SGMS1: variants seen among roughly 807,000 people sequenced by gnomAD.
SGMS1 encodes the protein sphingomyelin synthase 1.
Under a neutral mutation model 46.2 loss-of-function variants are expected in SGMS1, and 13 were observed. The observed-to-expected ratio is 0.28, with a 90% CI of 0.18 to 0.45. The LOEUF is 0.45. Ranked by LOEUF, SGMS1 falls within the 20% of genes least tolerant of loss-of-function variation. The pLI is 1.00. For missense variants in SGMS1, 324 were observed against 519.9 expected (o/e 0.62, Z 3.66); for synonymous variants, 203 against 187.8 (o/e 1.08, Z -0.66).
rs554226950 is a variant in SGMS1 at position 50,393,302 on chromosome 10, C to T, written c.-232+40174G>A. 4.6e-5 allele frequency among the ~76,000 whole-genome samples: 7 copies of T among 152,148 alleles called. No homozygotes were observed. In the South Asian group the frequency reaches 6.2e-4, roughly 14 times the overall value. ...CCCTTTCCTCAAAGAAAGAAAAATA[C>T]GTCCAATTTCTCAGACTAAAGAAAC... is the stretch of plus-strand genomic sequence containing the variant. On this transcript the variant is annotated intron_variant, in intron 6 of 10. Transcript: ENST00000361781.
At chr10:50,442,622 T>TA (rs1849560932) in intron 5 of SGMS1, among the ~76,000 whole-genome samples, 1 of 152,220 alleles carries the variant, frequency 6.6e-6, no homozygotes, top group African/African-American at 2.4e-5. Flanking sequence ...ATGTCTTTGC[T>TA]ATTGTGAATA....
chr10:50,599,051 C>A (rs1838623101), intron 1 of SGMS1, among the ~76,000 whole-genome samples: 1 of 152,148 alleles, frequency 6.6e-6, no homozygotes, highest in Admixed American at 6.5e-5. Context: ...TACCACTCCA[C>A]TGTATAATGG....
intron 6 of SGMS1, among the ~76,000 whole-genome samples, chr10:50,411,129 C>A (rs1398145364): frequency 6.6e-6 from 1 of 152,044 alleles, no homozygotes; most frequent in African/African-American, 2.4e-5. Context: ...GCCAATAATT[C>A]CAGTGAAATG....
intron 6 of SGMS1, among the ~76,000 whole-genome samples, chr10:50,370,113 G>A (rs1848411357): frequency 6.6e-6 from 1 of 152,172 alleles, no homozygotes; most frequent in African/African-American, 2.4e-5. Context: ...GTTGCTCTGG[G>A]TGAGTCAGTG....
intron 3 of SGMS1, among the ~76,000 whole-genome samples, chr10:50,494,700 G>A (rs570246272): frequency 6.6e-6 from 1 of 152,220 alleles, no homozygotes; most frequent in Admixed American, 6.5e-5. Flanking sequence ...TCTGTGGGAT[G>A]AAATAATCTG....
At chr10:50,365,351 G>A (rs1406354377) in intron 6 of SGMS1, among the ~76,000 whole-genome samples, 1 of 150,402 alleles carries the variant, frequency 6.6e-6, no homozygotes, top group African/African-American at 2.4e-5. Flanking sequence ...TTGATAGGCT[G>A]AAAGAAAAGA....
intron 9 of SGMS1, 41 bp from the exon 10 acceptor site, chr10:50,308,189 T>C: frequency 6.3e-7 from 1 of 1,590,284 alleles, no homozygotes; most frequent in East Asian, 2.2e-5. Flanking sequence ...ATTATTCAAA[T>C]GACATTAAGG....
chr10:50,346,736 T>C (rs1276028016), intron 6 of SGMS1, among the ~76,000 whole-genome samples: 1 of 152,108 alleles, frequency 6.6e-6, no homozygotes, highest in African/African-American at 2.4e-5. Context: ...GGTCTTACTC[T>C]ATTGCCCAGG....
Position 50,334,155 on chromosome 10 carries a change from A to G in SGMS1, c.624-6833T>C, listed in dbSNP as rs185706800. Among the ~76,000 whole-genome samples, 7 of 152,356 alleles carry G rather than the reference A, an allele frequency of 4.6e-5. No homozygotes were observed. The East Asian group carries it at 1.3e-3, about 29-fold the overall frequency. ...GAAGTAAAGAAAAAAATGCTACCCT[A>G]TAAGACATGAACAAAAACATCAACA... On this transcript the variant is annotated intron_variant, in intron 7 of 10. Coordinates refer to ENST00000361781, the MANE Select transcript of SGMS1 (RefSeq NM_147156.4).
intron 6 of SGMS1, among the ~76,000 whole-genome samples, chr10:50,393,418 C>T (rs139321824): frequency 2.0e-4 from 30 of 152,254 alleles, no homozygotes; most frequent in African/African-American, 7.0e-4. Flanking sequence ...ATGATAAAAA[C>T]CAAAGAAGCA....
chr10:50,492,783 A>C (rs184645416), intron 3 of SGMS1, among the ~76,000 whole-genome samples: 1 of 152,360 alleles, frequency 6.6e-6, no homozygotes, highest in Admixed American at 6.5e-5. Flanking sequence ...TATTCTTCAC[A>C]GAACTAGAGA....
chr10:50,430,866 C>T lies in SGMS1; in HGVS notation c.-232+2610G>A, dbSNP rs567283077. Among the ~76,000 whole-genome samples, 8 of 152,074 alleles carry T rather than the reference C, an allele frequency of 5.3e-5. No homozygotes were observed. In the South Asian group the frequency reaches 1.0e-3, roughly 20 times the overall value. ...TACTGAAATGTATCGTCAAAAGCAA[C>T]GAGTCCCAAGTATCTAGTAAACATA... On this transcript the variant is annotated intron_variant, in intron 6 of 10. Coordinates refer to ENST00000361781, the MANE Select transcript of SGMS1 (RefSeq NM_147156.4).
rs1420934442 is a variant in SGMS1, at chr10:50,594,940, G to A, written c.-683-4693C>T. Reference sequence around the variant, plus strand: ...GTTTATTCCCATCTTGTAGATGGAAGAAACTGAGGTACAGGAAGGAATTCA... The same window carrying A: ...GTTTATTCCCATCTTGTAGATGGAAAAAACTGAGGTACAGGAAGGAATTCA... On this transcript the variant is annotated intron_variant, in intron 1 of 10. Transcript: ENST00000361781. Among the ~76,000 whole-genome samples the A allele has an allele frequency of 3.9e-5, 6 of 152,166 alleles. No individual in the cohort carries two copies. The East Asian group carries it at 9.6e-4, about 24-fold the overall frequency.
intron 3 of SGMS1, among the ~76,000 whole-genome samples, chr10:50,515,558 C>T (rs1837793990): frequency 6.6e-6 from 1 of 152,244 alleles, no homozygotes; most frequent in Non-Finnish European, 1.5e-5. Flanking sequence ...AATGAGATGT[C>T]TTTCCCTTTG....
chr10:50,407,836 G>C (rs1004088383), intron 6 of SGMS1, among the ~76,000 whole-genome samples: 2 of 152,040 alleles, frequency 1.3e-5, no homozygotes, highest in African/African-American at 2.4e-5. Flanking sequence ...GAAATATTTT[G>C]ATTTATAGAG....
chr10:50,366,219 A>C (rs2133429604), intron 6 of SGMS1, among the ~76,000 whole-genome samples: 1 of 152,378 alleles, frequency 6.6e-6, no homozygotes, highest in South Asian at 2.1e-4. Flanking sequence ...CAAGGAACTT[A>C]AACAAATTTA....
intron 7 of SGMS1, among the ~76,000 whole-genome samples, chr10:50,339,153 A>G (rs1033972304): frequency 1.6e-4 from 24 of 152,256 alleles, no homozygotes; most frequent in Middle Eastern, 3.4e-3. Flanking sequence ...GGTTTTTCAT[A>G]TCCTTCTCCC....
intron 1 of SGMS1, among the ~76,000 whole-genome samples, chr10:50,614,584 T>C (rs939222022): frequency 3.9e-5 from 6 of 152,192 alleles, no homozygotes; most frequent in African/African-American, 1.4e-4. Flanking sequence ...CCCAAGCTCT[T>C]TGCCTCAGAA....
chr10:50,327,852 C>G (rs1847555035), intron 7 of SGMS1, among the ~76,000 whole-genome samples: 1 of 152,168 alleles, frequency 6.6e-6, no homozygotes, highest in African/African-American at 2.4e-5. Context: ...TATGGAAAAA[C>G]AGCATTCAAT....
Sources: gnomAD v4.1 joint callset for allele counts (sites outside exome capture counted in the v4.1 genomes callset) on GRCh38, gnomAD v4.1.1 for gene constraint, MANE v1.5 for transcripts, NCBI Gene and HGNC (gene_info 2026-07-23, HGNC 2026-07-21) for gene names.